ADAMTSL3: variants seen among roughly 807,000 people sequenced by gnomAD.
ADAMTSL3 encodes ADAMTS-like protein 3.
Under a neutral mutation model 201.7 loss-of-function variants are expected in ADAMTSL3, and 128 were observed. The ratio of observed to expected loss-of-function variants is 0.63; its 90% CI spans 0.55 to 0.73. ADAMTSL3 has a LOEUF of 0.73. ADAMTSL3 is among the 30% of genes least tolerant of loss of function. The pLI is 0.00. For missense variants in ADAMTSL3, 1,990 were observed against 2,119.6 expected (o/e 0.94, Z 1.20); for synonymous variants, 738 against 748.4 (o/e 0.99, Z 0.23).
chr15:83,720,267 C>G (rs1042158868), intron 3 of ADAMTSL3, among the ~76,000 whole-genome samples: 1 of 151,800 alleles, frequency 6.6e-6, no homozygotes, highest in African/African-American at 2.4e-5. Context: ...CACTTTTTTG[C>G]CATACTACAT....
chr15:83,758,161 A>G (rs2062750919), intron 3 of ADAMTSL3, among the ~76,000 whole-genome samples: 1 of 152,108 alleles, frequency 6.6e-6, no homozygotes, highest in Admixed American at 6.6e-5. Flanking sequence ...GTACCAATTT[A>G]CTGTATTAGT....
At chr15:83,902,781 C>G (rs554092604) in intron 15 of ADAMTSL3, among the ~76,000 whole-genome samples, 45 of 152,270 alleles carry the variant, frequency 3.0e-4, no homozygotes, top group Middle Eastern at 3.4e-3. Context: ...AGCAAGCTGC[C>G]TCTTGCCTCC....
chr15:83,773,399 T>C, intron 3 of ADAMTSL3, 124 bp from the exon 4 acceptor site: 2 of 1,077,882 alleles, frequency 1.9e-6, no homozygotes, highest in South Asian at 1.6e-5. Context: ...ATCGAAGCTC[T>C]GTCTCAATTA....
At chr15:84,012,398 C>T (rs74026636) in intron 23 of ADAMTSL3, among the ~76,000 whole-genome samples, 2,070 of 152,256 alleles carry the variant, frequency 0.014, 57 homozygotes, top group African/African-American at 0.048. Flanking sequence ...CAGCTGAAGG[C>T]CACTCTCAGC....
chr15:83,864,581 T>G (rs1457923704), intron 8 of ADAMTSL3, among the ~76,000 whole-genome samples: 1 of 152,194 alleles, frequency 6.6e-6, no homozygotes, highest in Non-Finnish European at 1.5e-5. Context: ...TGCTAAAAAC[T>G]CTCAATAAAT....
intron 2 of ADAMTSL3, among the ~76,000 whole-genome samples, chr15:83,663,553 G>T (rs889089637): frequency 6.6e-6 from 1 of 152,108 alleles, no homozygotes; most frequent in South Asian, 2.1e-4. Context: ...CTTTCTTAGT[G>T]TACTGTGCTT....
At chr15:83,946,620 G>C (rs940366572) in intron 19 of ADAMTSL3, among the ~76,000 whole-genome samples, 10 of 152,178 alleles carry the variant, frequency 6.6e-5, no homozygotes, top group African/African-American at 2.4e-4. Context: ...AACAGTCTTT[G>C]CAAAGTCAGA....
chr15:83,674,748 TATATACAC>T (rs1230128509), intron 2 of ADAMTSL3, among the ~76,000 whole-genome samples: 38 of 127,414 alleles, frequency 3.0e-4, no homozygotes, highest in Non-Finnish European at 4.3e-4. Context: ...CATATATACA[TATATACAC>T]ACATATATAC....
chr15:84,014,779 AG>A (rs2068061609), intron 24 of ADAMTSL3, 55 bp downstream of exon 24: 11 of 1,512,078 alleles, frequency 7.3e-6, no homozygotes, highest in Non-Finnish European at 8.9e-6. Flanking sequence ...TGCACAAAGT[AG>A]GCCCCAGTTT....
intron 3 of ADAMTSL3, among the ~76,000 whole-genome samples, chr15:83,709,374 G>C (rs758779100): frequency 2.0e-5 from 3 of 152,136 alleles, no homozygotes; most frequent in Non-Finnish European, 2.9e-5. Context: ...AGTTTGGGAC[G>C]ACTGGCTAAG....
At chr15:83,906,356 G>A (rs921831075) in intron 15 of ADAMTSL3, among the ~76,000 whole-genome samples, 2 of 151,958 alleles carry the variant, frequency 1.3e-5, no homozygotes, top group Non-Finnish European at 2.9e-5. Flanking sequence ...CTAATTTTGA[G>A]TCTTCCCATT....
At chr15:83,730,287 C>T (rs2062245082) in intron 3 of ADAMTSL3, among the ~76,000 whole-genome samples, 1 of 152,066 alleles carries the variant, frequency 6.6e-6, no homozygotes, top group Non-Finnish European at 1.5e-5. Context: ...ATTGATTGCC[C>T]AGAGAAGGTG....
At chr15:83,760,916 A>G (rs1309312682) in intron 3 of ADAMTSL3, among the ~76,000 whole-genome samples, 19 of 152,068 alleles carry the variant, frequency 1.2e-4, no homozygotes, top group Non-Finnish European at 4.4e-5. Context: ...TTATCCTGAC[A>G]ATCTGTCTTT....
At chr15:83,750,857 A>G (rs2062627191) in intron 3 of ADAMTSL3, among the ~76,000 whole-genome samples, 1 of 152,106 alleles carries the variant, frequency 6.6e-6, no homozygotes, top group South Asian at 2.1e-4. Context: ...GCTGGGGGAG[A>G]CATTTTAATT....
At chr15:83,955,882 G>A (rs1317925901) in intron 19 of ADAMTSL3, among the ~76,000 whole-genome samples, 1 of 152,094 alleles carries the variant, frequency 6.6e-6, no homozygotes, top group Non-Finnish European at 1.5e-5. Flanking sequence ...GCTGCTTGGG[G>A]TTGAGGGAGG....
At chr15:83,815,580 A>G (rs2063759979) in intron 5 of ADAMTSL3, among the ~76,000 whole-genome samples, 2 of 152,248 alleles carry the variant, frequency 1.3e-5, no homozygotes, top group Admixed American at 1.3e-4. Flanking sequence ...ACTGTTTAAG[A>G]CACAAGAATC....
rs111980231 is a variant in ADAMTSL3, at chr15:83,670,908, C to T, written c.69+15078C>T. ...AATTTCCAGCATGCTTAGTAATTAG[C>T]GTTCTTCAGAGCTATCTAGATGTTC... On this transcript the variant is annotated intron_variant, in intron 2 of 29. Transcript: ENST00000286744. 4.7e-3 allele frequency among the ~76,000 whole-genome samples: 711 copies of T among 152,272 alleles called. 9 individuals are homozygous for T. The highest frequency in any genetic ancestry group is 0.016 in the African/African-American group (648 of 41,540).
intron 19 of ADAMTSL3, among the ~76,000 whole-genome samples, chr15:83,945,539 C>T (rs1369683065): frequency 1.3e-5 from 2 of 152,156 alleles, no homozygotes; most frequent in East Asian, 1.9e-4. Flanking sequence ...GGTGGGTAGC[C>T]TGGGTGGGCT....
chr15:83,995,654 T>C (rs1420898868), intron 23 of ADAMTSL3, among the ~76,000 whole-genome samples: 1 of 152,116 alleles, frequency 6.6e-6, no homozygotes. Context: ...AAATTTCTTC[T>C]TATTTATAGA....
Sources: gnomAD v4.1 joint callset for allele counts (sites outside exome capture counted in the v4.1 genomes callset) on GRCh38, gnomAD v4.1.1 for gene constraint, MANE v1.5 for transcripts, NCBI Gene and HGNC (gene_info 2026-07-23, HGNC 2026-07-21) for gene names.